The following DTNA variants were observed in gnomAD, a reference collection of about 807,000 sequenced individuals.
DTNA encodes the protein dystrobrevin alpha, also known as dystrophin-related protein 3.
In DTNA, 43 loss-of-function variants were observed where a neutral mutation model predicts 100.7. The observed-to-expected ratio is 0.43, with a 90% CI of 0.33 to 0.55. DTNA has a LOEUF of 0.55. DTNA is among the 20% of genes least tolerant of loss of function. DTNA has a pLI of 0.04. For synonymous variants in DTNA, 349 were observed against 347.9 expected (o/e 1.00, Z -0.04); for missense variants, 798 against 953.9 (o/e 0.84, Z 2.15).
chr18:34,585,618 T>G (rs371620197), intron 1 of DTNA, among the ~76,000 whole-genome samples: 4 of 151,650 alleles, frequency 2.6e-5, no homozygotes, highest in Non-Finnish European at 5.9e-5. Flanking sequence ...GAGAGAGAGA[T>G]AGGGAGAGAG....
At chr18:34,759,744 C>T (rs200132709) in intron 2 of DTNA, among the ~76,000 whole-genome samples, 2 of 152,220 alleles carry the variant, frequency 1.3e-5, no homozygotes, top group Middle Eastern at 3.4e-3. Flanking sequence ...TGCAGTGGCG[C>T]GATCTCAGCT....
At chr18:34,825,114 G>A (rs1261592005) in intron 9 of DTNA, among the ~76,000 whole-genome samples, 1 of 151,732 alleles carries the variant, frequency 6.6e-6, no homozygotes, top group Admixed American at 6.6e-5. Context: ...CCACCTTGTA[G>A]AGAGGTGCTG....
intron 1 of DTNA, among the ~76,000 whole-genome samples, chr18:34,555,258 TTC>T (rs1244262304): frequency 1.4e-5 from 2 of 147,390 alleles, no homozygotes; most frequent in Non-Finnish European, 3.0e-5. Context: ...TATTTGATTC[TTC>T]TCTCTTTTTT....
chr18:34,823,943 CA>C (rs1389968212), intron 9 of DTNA, among the ~76,000 whole-genome samples: 1 of 151,996 alleles, frequency 6.6e-6, no homozygotes, highest in Non-Finnish European at 1.5e-5. Context: ...AGCACAGACT[CA>C]AAATAAAACA....
intron 1 of DTNA, among the ~76,000 whole-genome samples, chr18:34,504,918 T>C (rs2144716465): frequency 6.6e-6 from 1 of 152,328 alleles, no homozygotes; most frequent in African/African-American, 2.4e-5. Context: ...TAGCAATTTT[T>C]CAGCCTCGCC....
At chr18:34,595,677 G>T (rs1033386515) in intron 1 of DTNA, among the ~76,000 whole-genome samples, 1 of 151,974 alleles carries the variant, frequency 6.6e-6, no homozygotes, top group Non-Finnish European at 1.5e-5. Context: ...TTAATTTCTT[G>T]GTTGCTTGGA....
chr18:34,856,017 A>G (rs1164638244), intron 15 of DTNA, among the ~76,000 whole-genome samples: 1 of 152,142 alleles, frequency 6.6e-6, no homozygotes, highest in African/African-American at 2.4e-5. Flanking sequence ...ATGCCTTAAT[A>G]TCACTCTTGC....
At chr18:34,686,408 T>C (rs986179624) in intron 1 of DTNA, among the ~76,000 whole-genome samples, 12 of 152,208 alleles carry the variant, frequency 7.9e-5, no homozygotes, top group African/African-American at 1.2e-4. Flanking sequence ...ATGTGGTTTT[T>C]GTCATTGGTT....
In DTNA at chr18:34,812,129, G is replaced by A; in HGVS notation, c.603+16G>A. 1 of 1,613,884 alleles carries A rather than the reference G, an allele frequency of 6.2e-7. No individual in the cohort carries two copies. Among genetic ancestry groups the A allele is most frequent in the Non-Finnish European group, 8.5e-7 (1 of 1,179,838 alleles). On this transcript the variant is annotated intron_variant, in intron 6 of 22. Coordinates refer to ENST00000444659, the MANE Select transcript of DTNA (RefSeq NM_001386795.1). ...CTCCCAACAGGTAGGAGAAAAATAT[G>A]TTTAAGGAAGTATCTCTTTCAAACA...
At chr18:34,853,966 C>T (rs1329117083) in intron 15 of DTNA, among the ~76,000 whole-genome samples, 1 of 151,872 alleles carries the variant, frequency 6.6e-6, no homozygotes, top group Non-Finnish European at 1.5e-5. Context: ...AGAAACAACC[C>T]AAAAAAAGGA....
At chr18:34,538,787 C>A (rs1361691761) in intron 1 of DTNA, among the ~76,000 whole-genome samples, 1 of 151,854 alleles carries the variant, frequency 6.6e-6, no homozygotes, top group Non-Finnish European at 1.5e-5. Flanking sequence ...AAACATAAAT[C>A]AATTTAAGCA....
intron 1 of DTNA, among the ~76,000 whole-genome samples, chr18:34,705,297 A>T (rs1001608713): frequency 6.0e-5 from 9 of 149,482 alleles, no homozygotes; most frequent in African/African-American, 1.2e-4. Context: ...TGTCCCTGAT[A>T]AAAAAAAAAT....
intron 1 of DTNA, among the ~76,000 whole-genome samples, chr18:34,556,294 A>G (rs1269315835): frequency 6.6e-6 from 1 of 152,164 alleles, no homozygotes; most frequent in African/African-American, 2.4e-5. Context: ...TCCTGAATAC[A>G]GCACACTGAT....
intron 13 of DTNA, among the ~76,000 whole-genome samples, chr18:34,843,363 A>T (rs1347818762): frequency 6.6e-6 from 1 of 152,060 alleles, no homozygotes; most frequent in Non-Finnish European, 1.5e-5. Flanking sequence ...ATTTTTTTTT[A>T]ATTTTAATGC....
chr18:34,881,990 A>T, intron 20 of DTNA, 79 bp from the exon 21 acceptor site: 4 of 1,604,206 alleles, frequency 2.5e-6, no homozygotes, highest in Non-Finnish European at 3.4e-6. Context: ...TGCCAACGAA[A>T]CTACAGCTCA....
At chr18:34,573,702 T>C (rs2047824255) in intron 1 of DTNA, among the ~76,000 whole-genome samples, 1 of 152,252 alleles carries the variant, frequency 6.6e-6, no homozygotes, top group Non-Finnish European at 1.5e-5. Flanking sequence ...TATCATTTTT[T>C]GTGGTGAGAA....
intron 6 of DTNA, among the ~76,000 whole-genome samples, chr18:34,815,378 T>G (rs928209240): frequency 1.3e-5 from 2 of 152,092 alleles, no homozygotes; most frequent in Non-Finnish European, 2.9e-5. Context: ...AAGGAGCAAA[T>G]TTTTAAAAAT....
intron 11 of DTNA, among the ~76,000 whole-genome samples, chr18:34,833,948 T>A (rs974213858): frequency 1.3e-5 from 2 of 152,164 alleles, no homozygotes; most frequent in African/African-American, 4.8e-5. Flanking sequence ...CACAATGATA[T>A]GCTGGAAGCA....
At position 34,821,732 on chromosome 18, in the gene DTNA, T is replaced by C. The variant is rs529940653; in HGVS notation, c.1001+817T>C. On this transcript the variant is annotated intron_variant, in intron 9 of 22. Coordinates refer to ENST00000444659, the MANE Select transcript of DTNA (RefSeq NM_001386795.1). ...GCCTCCTTATGAACTGCCTGTAGTTTTCCACACTTCAGTGGGACCTATCAC... is the reference window on the plus strand; with the variant it reads ...GCCTCCTTATGAACTGCCTGTAGTTCTCCACACTTCAGTGGGACCTATCAC... Among the ~76,000 whole-genome samples the C allele has an allele frequency of 1.4e-3, 213 of 152,316 alleles. 1 individual carries two copies. The highest frequency in any genetic ancestry group is 3.3e-3 in the Admixed American group (50 of 15,304).
Sources: allele counts gnomAD v4.1 joint callset (sites outside exome capture counted in the v4.1 genomes callset), GRCh38; gene constraint gnomAD v4.1.1; transcripts MANE v1.5; gene names NCBI Gene and HGNC (gene_info 2026-07-23, HGNC 2026-07-21).